Variants in PCDHA6 observed in about 807,000 individuals in gnomAD.
PCDHA6 encodes protocadherin alpha-6.
A neutral mutation model predicts 60.3 loss-of-function variants in PCDHA6; 55 were observed. The ratio of observed to expected loss-of-function variants is 0.91; its 90% CI spans 0.73 to 1.14. The LOEUF is 1.14. Among genes scored for constraint, PCDHA6 ranks in the 50% most tolerant of loss-of-function variants. The pLI is 0.00. For synonymous variants in PCDHA6, 652 were observed against 557.9 expected, an observed-to-expected ratio of 1.17 and a Z score of -2.38; for missense variants, 1,327 against 1,256.5, an observed-to-expected ratio of 1.06 and a Z score of -0.85.
chr5:140,858,117 C>A (rs1191323415), intron 1 of PCDHA6: 1 of 1,597,608 alleles, frequency 6.3e-7, no homozygotes, highest in African/African-American at 1.3e-5. Context: ...CCCGAGGTGG[C>A]CCTGGTGGAT....
chr5:140,842,853 A>C lies in PCDHA6; in HGVS notation c.2394+12368A>C. On this transcript the variant is annotated intron_variant, in intron 1 of 3. Transcript: ENST00000529310. ...TCGCTGTCGAGCTACATTTCGGTGC[A>C]CACGGAGAGCGGCAAGGTGTACGCG... is the stretch of plus-strand genomic sequence containing the variant. 6.3e-7 allele frequency: 1 copy of C among 1,593,882 alleles called. No individual in the cohort carries two copies. Among genetic ancestry groups the C allele is most frequent in the Middle Eastern group, 2.1e-4 (1 of 4,734 alleles).
intron 1 of PCDHA6, chr5:140,848,731 T>C: frequency 6.3e-7 from 1 of 1,592,772 alleles, no homozygotes; most frequent in Non-Finnish European, 8.6e-7. Context: ...GAGGTAAATC[T>C]GCAGAATGGC....
At chr5:140,895,080 C>T (rs537991545) in intron 1 of PCDHA6, among the ~76,000 whole-genome samples, 11 of 152,246 alleles carry the variant, frequency 7.2e-5, no homozygotes, top group Admixed American at 1.3e-4. Context: ...CTATCAGTTC[C>T]TCCTCAGTAT....
At chr5:140,929,421 A>G (rs2086144210) in intron 1 of PCDHA6, 2 of 1,502,092 alleles carry the variant, frequency 1.3e-6, no homozygotes, top group Non-Finnish European at 1.8e-6. Flanking sequence ...ACAACATTTC[A>G]TCAATTGAAC....
At chr5:140,966,962 G>T (rs370831122) in intron 1 of PCDHA6, 4 of 1,602,632 alleles carry the variant, frequency 2.5e-6, no homozygotes, top group Non-Finnish European at 3.4e-6. Context: ...TCGCGCGCTG[G>T]GGCTTGAGCT....
rs189936741 is a variant in PCDHA6, at chr5:140,928,492, C to T, written c.2395-50457C>T. The T allele has an allele frequency of 1.5e-5, 24 of 1,614,150 alleles. No individual in the cohort carries two copies. In the East Asian group the frequency reaches 5.3e-4, roughly 36 times the overall value. ...AGAAGGCCGGGATGGTGGCATTCCT[C>T]CCAGAAGTGCAACAGTGACTATAAA... On this transcript the variant is annotated intron_variant, in intron 1 of 3. Transcript: ENST00000529310.
intron 1 of PCDHA6, chr5:140,851,319 T>C (rs1340345627): frequency 7.1e-6 from 7 of 992,898 alleles, no homozygotes; most frequent in Non-Finnish European, 8.6e-6. Flanking sequence ...GTTACCTTGT[T>C]AAGTTTGTAG....
intron 1 of PCDHA6, among the ~76,000 whole-genome samples, chr5:140,953,480 T>C (rs782804804): frequency 2.6e-5 from 4 of 152,194 alleles, no homozygotes; most frequent in Non-Finnish European, 5.9e-5. Flanking sequence ...CCTCATGCTG[T>C]GTCACAACCT....
In PCDHA6 at chr5:140,850,799, C is replaced by T. The variant is rs2150498794; in HGVS notation, c.2394+20314C>T. On this transcript the variant is annotated intron_variant, in intron 1 of 3. Coordinates refer to ENST00000529310, the MANE Select transcript of PCDHA6 (RefSeq NM_018909.4). ...CTGGCGAGGGTAAGCAGAAGACCGA[C>T]CTCATGGCCTTCAGCCCGGGCCTTT... The T allele has an allele frequency of 1.8e-4, 280 of 1,598,266 alleles. 23 individuals are homozygous for T. The Admixed American group carries it at 4.6e-3, about 26-fold the overall frequency.
At chr5:140,887,544 CATGG>C (rs2061491541) in intron 1 of PCDHA6, among the ~76,000 whole-genome samples, 2 of 152,098 alleles carry the variant, frequency 1.3e-5, no homozygotes, top group Non-Finnish European at 2.9e-5. Context: ...CCCCACCCCT[CATGG>C]TTACTGTTAA....
At chr5:140,854,731 T>A (rs536045745) in intron 1 of PCDHA6, 2 of 150,048 alleles carry the variant, frequency 1.3e-5, no homozygotes, top group Admixed American at 1.3e-4. Flanking sequence ...TCAAGTTTTT[T>A]TCAGCAGCAC....
chr5:140,927,959 G>A lies in PCDHA6; in HGVS notation c.2395-50990G>A. On this transcript the variant is annotated intron_variant, in intron 1 of 3. Transcript: ENST00000529310. ...CCAGTACCTGAGGACGCTGCCCCTG[G>A]CACAGTGATTGCTCTCTTTAGTGTA... 1 of 1,614,190 alleles carries A rather than the reference G, an allele frequency of 6.2e-7. No individual in the cohort carries two copies. Among genetic ancestry groups the A allele is most frequent in the East Asian group, 2.2e-5 (1 of 44,886 alleles).
At chr5:140,842,280 T>C (rs1554138934) in intron 1 of PCDHA6, 10 of 1,610,840 alleles carry the variant, frequency 6.2e-6, no homozygotes, top group South Asian at 3.3e-5. Flanking sequence ...AAAATCCTCA[T>C]TGACGCCACG....
intron 1 of PCDHA6, chr5:140,881,408 T>A (rs1397596000): frequency 1.1e-6 from 1 of 949,826 alleles, no homozygotes; most frequent in Non-Finnish European, 1.3e-6. Flanking sequence ...ATTAAATCAA[T>A]AGGATATTAG....
At chr5:140,906,487 CA>C (rs1346198597) in intron 1 of PCDHA6, among the ~76,000 whole-genome samples, 1 of 152,180 alleles carries the variant, frequency 6.6e-6, no homozygotes, top group Non-Finnish European at 1.5e-5. Context: ...TATAAATGCA[CA>C]AACATGTTTT....
intron 1 of PCDHA6, chr5:140,861,164 C>G (rs2046783856): frequency 6.4e-6 from 1 of 156,700 alleles, no homozygotes; most frequent in African/African-American, 2.4e-5. Flanking sequence ...CAAAAGGTCT[C>G]AGAGGAACTA....
intron 1 of PCDHA6, among the ~76,000 whole-genome samples, chr5:140,922,935 G>A (rs1484457119): frequency 6.6e-6 from 1 of 152,130 alleles, no homozygotes; most frequent in Non-Finnish European, 1.5e-5. Flanking sequence ...TTTACTTCCA[G>A]CAATGGAAAT....
chr5:140,883,504 C>A, intron 1 of PCDHA6: 1 of 1,614,172 alleles, frequency 6.2e-7, no homozygotes, highest in Non-Finnish European at 8.5e-7. Context: ...TGGACAGCGC[C>A]CTGGACCGCG....
intron 1 of PCDHA6, among the ~76,000 whole-genome samples, chr5:140,919,172 A>G (rs144962710): frequency 6.6e-6 from 1 of 152,282 alleles, no homozygotes; most frequent in African/African-American, 2.4e-5. Flanking sequence ...TTTAGTTGCT[A>G]TATCTTCCTG....
Sources: gnomAD v4.1 joint callset for allele counts (sites outside exome capture counted in the v4.1 genomes callset) on GRCh38, gnomAD v4.1.1 for gene constraint, MANE v1.5 for transcripts, NCBI Gene and HGNC (gene_info 2026-07-23, HGNC 2026-07-21) for gene names.